Variants in MBNL2 observed in about 807,000 individuals in gnomAD.
MBNL2 encodes the protein muscleblind like splicing regulator 2, also known as muscleblind-like protein 2.
Under a neutral mutation model 41.9 loss-of-function variants are expected in MBNL2, and 17 were observed. The ratio of observed to expected loss-of-function variants is 0.41; its 90% CI spans 0.28 to 0.61. The LOEUF (loss-of-function observed/expected upper bound fraction) is 0.61. MBNL2 is among the 20% of genes least tolerant of loss of function. The pLI is 0.35. For synonymous variants in MBNL2, 195 were observed against 182.9 expected (o/e 1.07, Z -0.53); for missense variants, 336 against 505.6 (o/e 0.66, Z 3.22).
At chr13:97,324,338 A>T (rs1257882701) in intron 2 of MBNL2, among the ~76,000 whole-genome samples, 1 of 152,182 alleles carries the variant, frequency 6.6e-6, no homozygotes, top group Non-Finnish European at 1.5e-5. Context: ...GATAACATGC[A>T]CCCGTCGTAT....
chr13:97,237,700 C>T (rs980393368), intron 1 of MBNL2, among the ~76,000 whole-genome samples: 1 of 152,214 alleles, frequency 6.6e-6, no homozygotes, highest in Admixed American at 6.5e-5. Context: ...CTAGGGTGTA[C>T]TTGGCATGGA....
At chr13:97,308,160 T>C (rs2058289119) in intron 2 of MBNL2, among the ~76,000 whole-genome samples, 1 of 152,232 alleles carries the variant, frequency 6.6e-6, no homozygotes, top group African/African-American at 2.4e-5. Flanking sequence ...GGCTGCCACA[T>C]GCCTGCAGGC....
chr13:97,227,081 A>G (rs1270278672), intron 1 of MBNL2, among the ~76,000 whole-genome samples: 2 of 147,364 alleles, frequency 1.4e-5, no homozygotes, highest in African/African-American at 2.5e-5. Flanking sequence ...AAAAAAATAT[A>G]TTTCCTTTTG....
chr13:97,357,378 T>C lies in MBNL2; in HGVS notation c.859-104T>C. On this transcript the variant is annotated intron_variant, in intron 6 of 8. Transcript: ENST00000679496. ...AAGGTGCATGGCAGAGGCATCTCCTTAGCTGTCATTTTTAAAAAGAATGTT... is the reference window on the plus strand; with the variant it reads ...AAGGTGCATGGCAGAGGCATCTCCTCAGCTGTCATTTTTAAAAAGAATGTT... The C allele has an allele frequency of 4.2e-6, 4 of 946,148 alleles. No individual in the cohort carries two copies. In the South Asian group the frequency reaches 5.8e-5, roughly 14 times the overall value. 58.6% of individuals were successfully genotyped at this position (946,148 alleles called of 1,614,324 possible).
the MBNL2 span, among the ~76,000 whole-genome samples, chr13:97,204,772 T>C: frequency 6.6e-6 from 1 of 152,108 alleles, no homozygotes; most frequent in African/African-American, 2.4e-5. Flanking sequence ...CAGGTCAATG[T>C]AATTGTCGTC....
chr13:97,369,194 G>A (rs1237420593), intron 8 of MBNL2, among the ~76,000 whole-genome samples: 7 of 152,154 alleles, frequency 4.6e-5, no homozygotes, highest in Non-Finnish European at 1.5e-5. Context: ...GAAACCCAGG[G>A]CTTGGTAATG....
intron 2 of MBNL2, among the ~76,000 whole-genome samples, chr13:97,289,541 G>A (rs1213551267): frequency 6.6e-6 from 1 of 152,208 alleles, no homozygotes; most frequent in Admixed American, 6.5e-5. Flanking sequence ...AAGAATTCTA[G>A]TAGGTCCAGA....
chr13:97,276,514 T>A, intron 2 of MBNL2, 105 bp downstream of exon 2: 1 of 1,116,542 alleles, frequency 9.0e-7, no homozygotes. Context: ...TTTTAGATTC[T>A]ATTTTCTTGT....
chr13:97,212,006 G>C, the MBNL2 span, among the ~76,000 whole-genome samples: 1 of 152,136 alleles, frequency 6.6e-6, no homozygotes, highest in Admixed American at 6.5e-5. Flanking sequence ...AGGTGTCAAA[G>C]AAAGATCTCC....
chr13:97,244,083 C>T (rs1050373592), intron 1 of MBNL2, among the ~76,000 whole-genome samples: 11 of 152,174 alleles, frequency 7.2e-5, no homozygotes, highest in African/African-American at 2.7e-4. Flanking sequence ...AGATTCATCT[C>T]ATGTAACAAC....
chr13:97,384,552 G>T (rs1004685287), intron 8 of MBNL2, among the ~76,000 whole-genome samples: 1 of 152,130 alleles, frequency 6.6e-6, no homozygotes, highest in Non-Finnish European at 1.5e-5. Context: ...ATTAAATGGT[G>T]CACAGACTAA....
chr13:97,338,804 G>A lies in MBNL2; in HGVS notation c.340-4212G>A, dbSNP rs547764374. On this transcript the variant is annotated intron_variant, in intron 3 of 8. Coordinates refer to ENST00000679496, the MANE Select transcript of MBNL2 (RefSeq NM_001382683.1). ...AGTAGAGGGAGGAGGCTTAGGAGACGCCGTGTGTCAGCCTTTTAGCGTGAG... is the reference window on the plus strand; with the variant it reads ...AGTAGAGGGAGGAGGCTTAGGAGACACCGTGTGTCAGCCTTTTAGCGTGAG... Among the ~76,000 whole-genome samples the A allele has an allele frequency of 2.0e-5, 3 of 152,288 alleles. No homozygotes were observed. In the South Asian group the frequency reaches 6.2e-4, roughly 32 times the overall value.
At chr13:97,188,780 T>C in the MBNL2 span, among the ~76,000 whole-genome samples, 4 of 152,216 alleles carry the variant, frequency 2.6e-5, no homozygotes, top group Admixed American at 2.6e-4. Context: ...CTCCATCACC[T>C]GATTCCTATC....
intron 1 of MBNL2, among the ~76,000 whole-genome samples, chr13:97,244,171 C>T (rs980710414): frequency 6.6e-6 from 1 of 152,138 alleles, no homozygotes; most frequent in Non-Finnish European, 1.5e-5. Context: ...TTGTAAAATT[C>T]CAATGTGATT....
intron 8 of MBNL2, among the ~76,000 whole-genome samples, chr13:97,377,146 T>G (rs2065037789): frequency 6.6e-6 from 1 of 152,148 alleles, no homozygotes; most frequent in Non-Finnish European, 1.5e-5. Flanking sequence ...ACCCAACACG[T>G]CCTGTAAGGG....
At chr13:97,353,554 T>C (rs1427354269) in intron 5 of MBNL2, among the ~76,000 whole-genome samples, 1 of 152,222 alleles carries the variant, frequency 6.6e-6, no homozygotes, top group Non-Finnish European at 1.5e-5. Flanking sequence ...TTATTTTGAT[T>C]CATTAGATCC....
In MBNL2 at chr13:97,369,674, T is replaced by C. The variant is rs1217004896; in HGVS notation, c.1048+4503T>C. ...ACATCCCATGACAGCTTCTTAGGTC[T>C]AGTGCTATTTACACATTACCCCACG... On this transcript the variant is annotated intron_variant, in intron 8 of 8. Coordinates refer to ENST00000679496, the MANE Select transcript of MBNL2 (RefSeq NM_001382683.1). Among the ~76,000 whole-genome samples, 10 of 152,330 alleles carry C rather than the reference T, an allele frequency of 6.6e-5. No individual in the cohort carries two copies. The East Asian group carries it at 1.9e-3, about 29-fold the overall frequency.
intron 2 of MBNL2, among the ~76,000 whole-genome samples, chr13:97,327,270 C>G (rs1403794224): frequency 2.0e-5 from 3 of 152,108 alleles, no homozygotes; most frequent in Non-Finnish European, 4.4e-5. Context: ...CAAACCTCAT[C>G]ACGTAGACGT....
intron 1 of MBNL2, among the ~76,000 whole-genome samples, chr13:97,274,919 A>C (rs914028981): frequency 6.6e-6 from 1 of 152,240 alleles, no homozygotes; most frequent in African/African-American, 2.4e-5. Context: ...ACTAAAACTA[A>C]TTTACATTCC....
Sources: gnomAD v4.1 joint callset for allele counts (sites outside exome capture counted in the v4.1 genomes callset) on GRCh38, gnomAD v4.1.1 for gene constraint, MANE v1.5 for transcripts, NCBI Gene and HGNC (gene_info 2026-07-23, HGNC 2026-07-21) for gene names.